Variants in GALNT8 observed in about 807,000 individuals in gnomAD.
GALNT8 encodes the protein polypeptide N-acetylgalactosaminyltransferase 8.
In GALNT8, 66 loss-of-function variants were observed where a neutral mutation model predicts 62.7. The observed-to-expected ratio is 1.05, with a 90% CI of 0.86 to 1.29. The LOEUF (loss-of-function observed/expected upper bound fraction) is 1.29. GALNT8 is among the 50% of genes most tolerant of loss of function. GALNT8 has a pLI of 0.00. For synonymous variants in GALNT8, 288 were observed against 294.3 expected (o/e 0.98, Z 0.22); for missense variants, 771 against 791.8 (o/e 0.97, Z 0.32).
chr12:4,727,549 TC>T (rs1200405105), intron 2 of GALNT8, among the ~76,000 whole-genome samples: 1 of 152,226 alleles, frequency 6.6e-6, no homozygotes, highest in East Asian at 1.9e-4. Context: ...CCACCACTAA[TC>T]TACTTTTTAT....
chr12:4,725,416 C>A (rs1946190280), intron 1 of GALNT8, among the ~76,000 whole-genome samples: 1 of 152,240 alleles, frequency 6.6e-6, no homozygotes, highest in Admixed American at 6.5e-5. Flanking sequence ...GGCAGTGTTT[C>A]CCGAATTAAT....
At position 4,749,933 on chromosome 12, in the gene GALNT8, A is replaced by AT. The variant is rs1441254387; in HGVS notation, c.1173+3679dup. 6.6e-6 allele frequency among the ~76,000 whole-genome samples: 1 copy of AT among 152,042 alleles called. No homozygotes were observed. Among genetic ancestry groups the AT allele is most frequent in the Non-Finnish European group, 1.5e-5 (1 of 68,016 alleles). ...CTAGGAATTTGTCCATTTCTTCTAGATTTTCCAACTTGTTGGCATACAGTT... is the reference window on the plus strand; with the variant it reads ...CTAGGAATTTGTCCATTTCTTCTAGATTTTTCCAACTTGTTGGCATACAGTT... On this transcript the variant is annotated intron_variant, in intron 6 of 10. Coordinates refer to ENST00000252318, the MANE Select transcript of GALNT8 (RefSeq NM_017417.2). The surrounding 1 kb of genome is among the most constrained non-coding windows in gnomAD (Gnocchi z 4.1).
At chr12:4,731,047 A>G (rs1946219954) in intron 2 of GALNT8, among the ~76,000 whole-genome samples, 1 of 151,824 alleles carries the variant, frequency 6.6e-6, no homozygotes, top group Non-Finnish European at 1.5e-5. Flanking sequence ...ACGGGGTTTC[A>G]CCATGGTCTC....
At chr12:4,771,184 G>A (rs1042300499) in intron 10 of GALNT8, among the ~76,000 whole-genome samples, 2 of 152,222 alleles carry the variant, frequency 1.3e-5, no homozygotes, top group African/African-American at 2.4e-5. Context: ...GGAACCCTGA[G>A]GAGTAAGCTG....
At chr12:4,735,621 A>C (rs1270342787) in intron 2 of GALNT8, among the ~76,000 whole-genome samples, 1 of 152,102 alleles carries the variant, frequency 6.6e-6, no homozygotes, top group African/African-American at 2.4e-5. Context: ...TGAAATTTCA[A>C]CTCCAGGTGC....
chr12:4,750,527 T>C (rs1946317918), intron 6 of GALNT8, among the ~76,000 whole-genome samples: 1 of 152,220 alleles, frequency 6.6e-6, no homozygotes. Context: ...CATGATTTCA[T>C]TTTTTATGGC....
intron 2 of GALNT8, among the ~76,000 whole-genome samples, chr12:4,734,755 A>C (rs1400595372): frequency 6.6e-6 from 1 of 150,394 alleles, no homozygotes; most frequent in African/African-American, 2.4e-5. Flanking sequence ...CTAGCTTCCA[A>C]TGTCCAGCCC....
At chr12:4,724,195 C>T in intron 1 of GALNT8, among the ~76,000 whole-genome samples, 1 of 142,450 alleles carries the variant, frequency 7.0e-6, no homozygotes, top group South Asian at 2.4e-4. Context: ...AATAAGGATA[C>T]TTAGTTGAAT....
chr12:4,732,332 A>T (rs1293643303), intron 2 of GALNT8, among the ~76,000 whole-genome samples: 1 of 152,276 alleles, frequency 6.6e-6, no homozygotes, highest in Non-Finnish European at 1.5e-5. Context: ...GTACACTGTG[A>T]TTCTCCACCG....
chr12:4,755,937 G>A (rs769807525), intron 6 of GALNT8, among the ~76,000 whole-genome samples: 20 of 152,160 alleles, frequency 1.3e-4, no homozygotes, highest in Non-Finnish European at 2.2e-4. Context: ...GGCAAATGTG[G>A]GATAGCAGCT....
rs773219246 is a variant in GALNT8, at chr12:4,765,420, A to G, written c.1635A>G (p.Gln545=). Reference sequence around the variant, plus strand: ...TAACTGGGGAGCTCTATGTGGGACAACTGATTGCAGAGGCCAGTGCTAGTG... The same window carrying G: ...TAACTGGGGAGCTCTATGTGGGACAGCTGATTGCAGAGGCCAGTGCTAGTG... ...YHLTGELYVG[Q]LIAEASASDR... The change falls in exon 10 of 11, where the codon CAA becomes CAG. Residue 545 remains glutamine (Q), a synonymous_variant. Coordinates refer to ENST00000252318, the MANE Select transcript of GALNT8 (RefSeq NM_017417.2). The G allele has an allele frequency of 6.2e-7, 1 of 1,604,062 alleles. No individual in the cohort carries two copies. The highest frequency in any genetic ancestry group is 8.5e-7 in the Non-Finnish European group (1 of 1,176,984).
At chr12:4,764,763 A>C (rs1040572339) in intron 9 of GALNT8, among the ~76,000 whole-genome samples, 2 of 150,254 alleles carry the variant, frequency 1.3e-5, no homozygotes, top group East Asian at 3.9e-4. Flanking sequence ...CATGTTAGCC[A>C]GGATGGTCTC....
At chr12:4,725,778 A>T (rs991125237) in intron 1 of GALNT8, among the ~76,000 whole-genome samples, 1 of 151,444 alleles carries the variant, frequency 6.6e-6, no homozygotes, top group Non-Finnish European at 1.5e-5. Context: ...CTGGTCTTGA[A>T]CTCCTAACCT....
intron 7 of GALNT8, among the ~76,000 whole-genome samples, chr12:4,762,179 T>C (rs1383244054): frequency 6.6e-6 from 1 of 152,170 alleles, no homozygotes; most frequent in Non-Finnish European, 1.5e-5. Flanking sequence ...TATACCAAGG[T>C]ATGATAGGAA....
chr12:4,742,548 T>C (rs1565384873), intron 3 of GALNT8, among the ~76,000 whole-genome samples: 2 of 152,170 alleles, frequency 1.3e-5, no homozygotes, highest in African/African-American at 4.8e-5. Flanking sequence ...GATACCTTAA[T>C]GTGTGAAGAA....
intron 2 of GALNT8, among the ~76,000 whole-genome samples, chr12:4,735,701 C>G (rs571804256): frequency 6.6e-6 from 1 of 152,266 alleles, no homozygotes; most frequent in South Asian, 2.1e-4. Flanking sequence ...AGTTCCATAC[C>G]AGAATGCACA....
chr12:4,745,304 C>G, intron 4 of GALNT8, 125 bp from the exon 5 acceptor site: 3 of 683,514 alleles, frequency 4.4e-6, no homozygotes, highest in Non-Finnish European at 5.3e-6. Context: ...CTACTCACAA[C>G]CCAGTACAGC....
intron 6 of GALNT8, among the ~76,000 whole-genome samples, chr12:4,752,556 A>T (rs35925396): frequency 0.13 from 19,193 of 151,658 alleles, 1,440 homozygotes; most frequent in Middle Eastern, 0.18. Context: ...AACTAATAAA[A>T]ACTCTACACC....
chr12:4,751,398 A>G (rs545235979), intron 6 of GALNT8, among the ~76,000 whole-genome samples: 4 of 152,296 alleles, frequency 2.6e-5, no homozygotes, highest in South Asian at 4.2e-4. Flanking sequence ...GGCACTTAGA[A>G]TAAACATTCC....
Sources: gnomAD v4.1 joint callset for allele counts (sites outside exome capture counted in the v4.1 genomes callset) on GRCh38, gnomAD v4.1.1 for gene constraint, Gnocchi (gnomAD v3.1) non-coding constraint, MANE v1.5 for transcripts, NCBI Gene and HGNC (gene_info 2026-07-23, HGNC 2026-07-21) for gene names.